CA10: variants seen among roughly 807,000 people sequenced by gnomAD.
CA10 encodes carbonic anhydrase 10 (inactive), also known as carbonic anhydrase-related protein 10.
Under a neutral mutation model 44.2 loss-of-function variants are expected in CA10, and 14 were observed. That is an observed-to-expected ratio of 0.32 (90% CI 0.21 to 0.50). The LOEUF (loss-of-function observed/expected upper bound fraction) is 0.50, where lower values mean the gene tolerates loss of function less well. CA10 is among the 20% of genes least tolerant of loss of function. CA10 has a pLI of 0.99. For synonymous variants in CA10, 159 were observed against 141.6 expected (o/e 1.12, Z -0.87); for missense variants, 350 against 409.7 (o/e 0.85, Z 1.26).
At position 51,631,363 on chromosome 17, in the gene CA10, T is replaced by A. The variant is rs1912563892; in HGVS notation, c.*221A>T. ...GTAGGTATGTTTGCATGTGTTTGTA[T>A]GTATGTGCAAGTGCTTGTGTGTGTG... On this transcript the variant is annotated 3_prime_UTR_variant, in exon 9 of 9. Transcript: ENST00000451037. The A allele has an allele frequency of 1.7e-6, 1 of 605,342 alleles. No individual in the cohort carries two copies. The highest frequency in any genetic ancestry group is 3.1e-5 in the Admixed American group (1 of 32,106). 37.5% of individuals were successfully genotyped at this position (605,342 alleles called of 1,614,324 possible).
At chr17:52,103,060 C>T (rs1988577836) in intron 1 of CA10, among the ~76,000 whole-genome samples, 1 of 152,028 alleles carries the variant, frequency 6.6e-6, no homozygotes, top group Non-Finnish European at 1.5e-5. Flanking sequence ...TTGTCTCAGC[C>T]TAAGGTAATC....
chr17:51,920,817 TCACTGCTATG>T (rs1253746416), intron 3 of CA10, among the ~76,000 whole-genome samples: 1 of 152,204 alleles, frequency 6.6e-6, no homozygotes, highest in Non-Finnish European at 1.5e-5. Context: ...TCATCACTTT[TCACTGCTATG>T]CACTGAAATC....
chr17:51,917,270 A>G (rs1226010541), intron 3 of CA10, among the ~76,000 whole-genome samples: 1 of 108,470 alleles, frequency 9.2e-6, no homozygotes, highest in Non-Finnish European at 2.4e-5. Flanking sequence ...GAAAGGCAGG[A>G]TAAGCCAGCT....
intron 3 of CA10, among the ~76,000 whole-genome samples, chr17:51,749,159 G>A (rs916779854): frequency 6.6e-5 from 10 of 152,178 alleles, no homozygotes; most frequent in Admixed American, 1.3e-4. Flanking sequence ...TAGAGATTAT[G>A]TGCAGTTTAC....
At chr17:51,825,029 T>C (rs1348266163) in intron 3 of CA10, among the ~76,000 whole-genome samples, 2 of 152,208 alleles carry the variant, frequency 1.3e-5, no homozygotes, top group East Asian at 3.8e-4. Flanking sequence ...TATTTAGTGA[T>C]CATGAGTGGA....
intron 1 of CA10, among the ~76,000 whole-genome samples, 195 bp downstream of exon 1, chr17:52,157,531 C>CA (rs369078168): frequency 3.4e-5 from 5 of 146,078 alleles, no homozygotes; most frequent in East Asian, 2.0e-4. Flanking sequence ...TCCTAACCAC[C>CA]CCCCCCCGCA....
chr17:51,968,685 C>A (rs1438719831), intron 2 of CA10, among the ~76,000 whole-genome samples: 1 of 151,554 alleles, frequency 6.6e-6, no homozygotes, highest in Non-Finnish European at 1.5e-5. Flanking sequence ...AACTATACAC[C>A]ACAAAAGAGT....
At chr17:51,958,877 C>T (rs1253586985) in intron 2 of CA10, among the ~76,000 whole-genome samples, 2 of 152,066 alleles carry the variant, frequency 1.3e-5, no homozygotes, top group Non-Finnish European at 2.9e-5. Context: ...CATATACCAT[C>T]CTCCATTTTC....
intron 1 of CA10, among the ~76,000 whole-genome samples, chr17:52,110,369 A>G (rs1277018387): frequency 2.0e-5 from 3 of 152,180 alleles, no homozygotes; most frequent in Non-Finnish European, 4.4e-5. Flanking sequence ...GGCCAACTTT[A>G]CTAACTGTAG....
chr17:51,859,551 C>T (rs1416712123), intron 3 of CA10, among the ~76,000 whole-genome samples: 10 of 152,190 alleles, frequency 6.6e-5, no homozygotes, highest in Admixed American at 5.9e-4. Flanking sequence ...GTTCTCTGTG[C>T]CACGTTTCAC....
intron 1 of CA10, among the ~76,000 whole-genome samples, chr17:52,147,187 T>C (rs190378795): frequency 6.6e-6 from 1 of 152,288 alleles, no homozygotes; most frequent in African/African-American, 2.4e-5. Flanking sequence ...ATTTGGTCTA[T>C]GGGGAATAAT....
In CA10 at chr17:51,930,082, A is replaced by G. The variant is rs1013465374; in HGVS notation, c.279+908T>C. Reference sequence around the variant, plus strand: ...GGGAAAAAGTTAACTTACAAACTTCATGGTATTTATGGTGAACAGACTGCA... The same window carrying G: ...GGGAAAAAGTTAACTTACAAACTTCGTGGTATTTATGGTGAACAGACTGCA... On this transcript the variant is annotated intron_variant, in intron 3 of 8. Coordinates refer to ENST00000451037, the MANE Select transcript of CA10 (RefSeq NM_020178.5). Among the ~76,000 whole-genome samples, 5 of 152,290 alleles carry G rather than the reference A, an allele frequency of 3.3e-5. No homozygotes were observed. In the East Asian group the frequency reaches 5.8e-4, roughly 18 times the overall value.
At chr17:52,113,213 C>T (rs149249852) in intron 1 of CA10, among the ~76,000 whole-genome samples, 49 of 152,284 alleles carry the variant, frequency 3.2e-4, no homozygotes, top group Non-Finnish European at 6.8e-4. Context: ...TCAAGATGAA[C>T]AGAGGGCCCA....
chr17:52,134,692 C>T (rs1989313144), intron 1 of CA10, among the ~76,000 whole-genome samples: 1 of 152,040 alleles, frequency 6.6e-6, no homozygotes, highest in African/African-American at 2.4e-5. Flanking sequence ...ATTTCTTTTT[C>T]TCTCCCCTCC....
chr17:51,631,595 G>A lies in CA10; in HGVS notation c.976C>T (p.Leu326Phe), dbSNP rs760192604. The change falls in exon 9 of 9, where the codon CTC (leucine) becomes TTC (phenylalanine). Residue 326 changes from leucine (L) to phenylalanine (F), a missense_variant. Transcript: ENST00000451037. Reference sequence around the variant, plus strand: ...CTTGGCTTTGTTCCCTACTTGAGGAGCCATTCATTTACTGCAAAGAGAGAG... The same window carrying A: ...CTTGGCTTTGTTCCCTACTTGAGGAACCATTCATTTACTGCAAAGAGAGAG... ...QKLQYRVNEW[L>F]LK 1.2e-6 allele frequency: 2 copies of A among 1,612,426 alleles called. No individual in the cohort carries two copies. The highest frequency in any genetic ancestry group is 1.1e-5 in the South Asian group (1 of 91,038).
intron 4 of CA10, among the ~76,000 whole-genome samples, chr17:51,689,343 A>C (rs554831733): frequency 6.6e-6 from 1 of 152,360 alleles, no homozygotes; most frequent in East Asian, 1.9e-4. Flanking sequence ...GAGGTGGCAT[A>C]GCAGTCAGGA....
chr17:51,976,440 A>G lies in CA10; in HGVS notation c.137-45308T>C, dbSNP rs910160225. On this transcript the variant is annotated intron_variant, in intron 2 of 8. Coordinates refer to ENST00000451037, the MANE Select transcript of CA10 (RefSeq NM_020178.5). ...CCAAACTGTCATACATTAAAAGTTAATCATTATTTTAAGAAAATACGCACA... is the reference window on the plus strand; with the variant it reads ...CCAAACTGTCATACATTAAAAGTTAGTCATTATTTTAAGAAAATACGCACA... 4.0e-4 allele frequency among the ~76,000 whole-genome samples: 61 copies of G among 152,188 alleles called. 1 individual carries two copies. Among genetic ancestry groups the G allele is most frequent in the African/African-American group, 1.5e-3 (61 of 41,464 alleles).
At chr17:51,902,166 G>A (rs1981345152) in intron 3 of CA10, among the ~76,000 whole-genome samples, 1 of 152,116 alleles carries the variant, frequency 6.6e-6, no homozygotes, top group Non-Finnish European at 1.5e-5. Flanking sequence ...AGATGACTAG[G>A]CAATGTTTTT....
At chr17:51,648,264 G>A (rs765914095) in intron 6 of CA10, among the ~76,000 whole-genome samples, 4 of 152,154 alleles carry the variant, frequency 2.6e-5, no homozygotes, top group Non-Finnish European at 2.9e-5. Flanking sequence ...AGGGGATGTG[G>A]GTGCTTGGAT....
Sources: allele counts gnomAD v4.1 joint callset (sites outside exome capture counted in the v4.1 genomes callset), GRCh38; gene constraint gnomAD v4.1.1; transcripts MANE v1.5; gene names NCBI Gene and HGNC (gene_info 2026-07-23, HGNC 2026-07-21).